NUMA1: variants seen among roughly 807,000 people sequenced by gnomAD.
The protein encoded by NUMA1 is nuclear mitotic apparatus protein 1, also known as SP-H antigen.
A neutral mutation model predicts 237.1 loss-of-function variants in NUMA1; 62 were observed. The observed-to-expected ratio is 0.26, with a 90% CI of 0.21 to 0.32. NUMA1 has a LOEUF of 0.32. Among genes scored for constraint, NUMA1 ranks in the 10% least tolerant of loss-of-function variants. The pLI, the probability that NUMA1 is intolerant of heterozygous loss-of-function variation, is 1.00. For synonymous variants in NUMA1, 1,028 were observed against 1,066.1 expected (o/e 0.96, Z 0.70); for missense variants, 2,533 against 2,666.5 (o/e 0.95, Z 1.10).
chr11:72,080,511 TGGGCTCGCGCC>T lies in NUMA1; in HGVS notation c.-167_-157del. The stretch of plus-strand genomic sequence containing the variant: ...GATTCTCCGGAATCGTACCTCTTCG[TGGGCTCGCGCC>T]AGCGCTGTGAGCGCACAATTAGTTT... On this transcript the variant is annotated 5_prime_UTR_variant, in exon 1 of 27. Transcript: ENST00000393695. The T allele has an allele frequency of 6.6e-6, 1 of 152,010 alleles. No homozygotes were observed. The highest frequency in any genetic ancestry group is 1.5e-5 in the Non-Finnish European group (1 of 68,002). The allele number at this position is 152,010 out of a possible 1,614,324, so 9.4% of individuals were successfully genotyped here.
Position 72,016,190 on chromosome 11 carries a change from AT to A in NUMA1, c.1312del (p.Met438CysfsTer30). 6.2e-7 allele frequency: 1 copy of A among 1,612,570 alleles called. No individual in the cohort carries two copies. Among genetic ancestry groups the A allele is most frequent in the Non-Finnish European group, 8.5e-7 (1 of 1,178,942 alleles). Reference sequence around the variant, plus strand: ...CTGCTGGCCTCGCTCAGTCTCCAGCATCTCTACCCTGGCTTGGAGCTGTGTG... The same window carrying A: ...CTGCTGGCCTCGCTCAGTCTCCAGCACTCTACCCTGGCTTGGAGCTGTGTG... The part of the protein sequence containing the change: ...NNTQLQARVE[M>X]LETERGQQEA... On this transcript the variant is annotated frameshift_variant, in exon 15 of 27. Coordinates refer to ENST00000393695, the MANE Select transcript of NUMA1 (RefSeq NM_006185.4). LOFTEE classifies it high-confidence loss of function.
chr11:72,004,510 C>A, intron 24 of NUMA1, 130 bp downstream of exon 24: 1 of 1,247,304 alleles, frequency 8.0e-7, no homozygotes, highest in Non-Finnish European at 1.1e-6. Context: ...ATCCATGGGT[C>A]AGGCCCTTGG....
chr11:72,011,511 C>T (rs566187605), intron 16 of NUMA1, among the ~76,000 whole-genome samples: 1 of 152,326 alleles, frequency 6.6e-6, no homozygotes, highest in South Asian at 2.1e-4. Context: ...TTGGCTGCTC[C>T]AAGCATTCTG....
At chr11:72,005,976 G>C in intron 22 of NUMA1, 59 bp downstream of exon 22, 1 of 1,367,512 alleles carries the variant, frequency 7.3e-7, no homozygotes, top group Non-Finnish European at 1.0e-6. Flanking sequence ...TTTTCCCTGT[G>C]CCACGATCCA....
At chr11:72,044,904 G>A (rs1164026692) in intron 2 of NUMA1, among the ~76,000 whole-genome samples, 1 of 152,076 alleles carries the variant, frequency 6.6e-6, no homozygotes, top group Non-Finnish European at 1.5e-5. Context: ...CTGACCTCGT[G>A]ATCCGCCTGC....
rs575875975 is a variant in NUMA1, at chr11:72,007,411, G to A, written c.5241C>T (p.Asp1747=). 2.0e-5 allele frequency: 33 copies of A among 1,613,690 alleles called. No individual in the cohort carries two copies. The highest frequency in any genetic ancestry group is 1.7e-4 in the Middle Eastern group (1 of 6,032). The change falls in exon 21 of 27, where the codon GAC becomes GAT. Residue 1747 remains aspartate, a synonymous_variant. Transcript: ENST00000393695. ...ITSKLPRTQP[D]GTSVPGEPAS... ...CTGGTTCTCCAGGGACGCTGGTGCC[G>A]TCTGGCTGGGTACGAGGCAGCTTGC...
chr11:72,026,744 A>AC (rs1334374940), intron 4 of NUMA1, among the ~76,000 whole-genome samples: 1 of 151,990 alleles, frequency 6.6e-6, no homozygotes, highest in Non-Finnish European at 1.5e-5. Context: ...CTACCCTCCA[A>AC]CCTTGCCATC....
chr11:72,076,182 C>T (rs1022766732), intron 1 of NUMA1, among the ~76,000 whole-genome samples: 4 of 149,624 alleles, frequency 2.7e-5, no homozygotes, highest in African/African-American at 9.9e-5. Context: ...GAGACCAGCC[C>T]GGGCAACATG....
At chr11:72,004,421 G>C (rs2134359234) in intron 24 of NUMA1, 80 bp from the exon 25 acceptor site, 1 of 1,360,770 alleles carries the variant, frequency 7.3e-7, no homozygotes, top group Non-Finnish European at 1.0e-6. Context: ...TCTCAGAGCT[G>C]AGTGGACCTT....
chr11:72,004,398 A>C (rs1955527159), intron 24 of NUMA1, 57 bp from the exon 25 acceptor site: 1 of 1,500,230 alleles, frequency 6.7e-7, no homozygotes, highest in Admixed American at 1.8e-5. Context: ...ATCTGAAGCC[A>C]GGTGTCTTGT....
At chr11:72,036,035 T>G in intron 2 of NUMA1, 60 bp from the exon 3 acceptor site, 1 of 1,346,164 alleles carries the variant, frequency 7.4e-7, no homozygotes, top group Non-Finnish European at 1.1e-6. Flanking sequence ...GATCAAGAAA[T>G]AAAGGCGAAA....
intron 16 of NUMA1, 99 bp downstream of exon 16, chr11:72,012,302 C>T: frequency 8.6e-7 from 1 of 1,165,696 alleles, no homozygotes; most frequent in Non-Finnish European, 1.3e-6. Context: ...ACAAACAGTT[C>T]ACAACAGGAG....
chr11:72,023,787 A>G (rs1939214995), intron 5 of NUMA1, among the ~76,000 whole-genome samples: 2 of 152,140 alleles, frequency 1.3e-5, no homozygotes, highest in Non-Finnish European at 2.9e-5. Context: ...AGTTATCTCC[A>G]TATTATAGAT....
At chr11:72,046,164 C>G (rs1318970236) in intron 2 of NUMA1, among the ~76,000 whole-genome samples, 3 of 152,228 alleles carry the variant, frequency 2.0e-5, no homozygotes, top group African/African-American at 7.2e-5. Flanking sequence ...CCTCTCACAG[C>G]CTAGACAGGC....
rs553890551 is a variant in NUMA1, at chr11:72,021,133, T to C, written c.460+71A>G. On this transcript the variant is annotated intron_variant, in intron 8 of 26. Transcript: ENST00000393695. Reference sequence around the variant, plus strand: ...GGACAGAAACAAACCCCCACCATACTTGACAACTCAGGATCCTAGTATTCC... The same window carrying C: ...GGACAGAAACAAACCCCCACCATACCTGACAACTCAGGATCCTAGTATTCC... 154 of 1,276,478 alleles carry C rather than the reference T, an allele frequency of 1.2e-4. 3 individuals carry two copies. In the East Asian group the frequency reaches 1.6e-3, roughly 13 times the overall value. The allele number at this position is 1,276,478 out of a possible 1,614,324, so 79.1% of individuals were successfully genotyped here. A position where few individuals can be genotyped will look rare whatever the true frequency, so the allele number is the denominator to read the frequency against.
chr11:72,047,358 T>A (rs577570651), intron 2 of NUMA1, among the ~76,000 whole-genome samples: 6 of 152,082 alleles, frequency 3.9e-5, no homozygotes, highest in African/African-American at 1.4e-4. Flanking sequence ...CATGGTGGTG[T>A]GTGCCTGTAG....
intron 22 of NUMA1, 54 bp downstream of exon 22, chr11:72,005,981 G>C: frequency 1.4e-6 from 2 of 1,404,204 alleles, no homozygotes; most frequent in Non-Finnish European, 2.0e-6. Context: ...CCTGTGCCAC[G>C]ATCCACCTTC....
At chr11:72,017,588 C>T in intron 13 of NUMA1, 99 bp downstream of exon 13, 1 of 1,434,034 alleles carries the variant, frequency 7.0e-7, no homozygotes, top group Non-Finnish European at 9.7e-7. Context: ...GAAGAGAAAG[C>T]AACTTAATAC....
chr11:72,040,038 C>T (rs1290091096), intron 2 of NUMA1, among the ~76,000 whole-genome samples: 1 of 152,162 alleles, frequency 6.6e-6, no homozygotes, highest in African/African-American at 2.4e-5. Flanking sequence ...GGCAAGAGGA[C>T]CAGTGGCTCC....
Sources: allele counts gnomAD v4.1 joint callset (sites outside exome capture counted in the v4.1 genomes callset), GRCh38; gene constraint gnomAD v4.1.1; transcripts MANE v1.5; gene names NCBI Gene and HGNC (gene_info 2026-07-23, HGNC 2026-07-21).